Variants in AFAP1 observed in about 807,000 individuals in gnomAD.
AFAP1 encodes actin filament-associated protein 1.
AFAP1 carries 75 observed loss-of-function variants against 93.9 expected under a neutral mutation model. That is an observed-to-expected ratio of 0.80 (90% CI 0.66 to 0.97). AFAP1 has a LOEUF of 0.97. AFAP1 is among the 50% of genes least tolerant of loss of function. The pLI, the probability that AFAP1 is intolerant of heterozygous loss-of-function variation, is 0.00. For synonymous variants in AFAP1, 517 were observed against 430.7 expected (o/e 1.20, Z -2.48); for missense variants, 1,201 against 1,050.8 (o/e 1.14, Z -1.98).
chr4:7,922,638 G>C (rs994515758), intron 1 of AFAP1, among the ~76,000 whole-genome samples: 3 of 152,216 alleles, frequency 2.0e-5, no homozygotes, highest in African/African-American at 7.2e-5. Context: ...ATCATGCCCA[G>C]ATCATGAGCC....
At chr4:7,818,087 T>A (rs1387813017) in intron 7 of AFAP1, among the ~76,000 whole-genome samples, 4 of 152,174 alleles carry the variant, frequency 2.6e-5, no homozygotes, top group African/African-American at 9.7e-5. Flanking sequence ...AACATTTAAA[T>A]TAGGGAGCTG....
intron 2 of AFAP1, 99 bp from the exon 3 acceptor site, chr4:7,868,818 G>C: frequency 9.8e-7 from 1 of 1,024,116 alleles, no homozygotes; most frequent in Middle Eastern, 2.0e-4. Flanking sequence ...TGAACACTTT[G>C]CAAATATTTA....
intron 1 of AFAP1, among the ~76,000 whole-genome samples, chr4:7,911,883 A>C (rs924164062): frequency 6.6e-6 from 1 of 152,236 alleles, no homozygotes; most frequent in Non-Finnish European, 1.5e-5. Context: ...CTTTTAAGTT[A>C]GTTTGTTCAT....
intron 1 of AFAP1, among the ~76,000 whole-genome samples, chr4:7,918,323 G>C (rs920806452): frequency 2.8e-5 from 4 of 143,454 alleles, no homozygotes; most frequent in Non-Finnish European, 1.5e-5. Context: ...ACTCAGCCCA[G>C]GTCACCCGCA....
intron 3 of AFAP1, among the ~76,000 whole-genome samples, chr4:7,857,776 C>T (rs574954463): frequency 1.3e-5 from 2 of 152,274 alleles, no homozygotes; most frequent in East Asian, 3.9e-4. Context: ...TGGAAAAGCA[C>T]GACAAATAGC....
At position 7,761,879 on chromosome 4, in the gene AFAP1, G is replaced by C. The variant is rs866846543; in HGVS notation, c.*1886C>G. On this transcript the variant is annotated 3_prime_UTR_variant, in exon 18 of 18. Coordinates refer to ENST00000420658, the MANE Select transcript of AFAP1 (RefSeq NM_001134647.2). Reference sequence around the variant, plus strand: ...GCAATGCAGCGGACGGCCCTGAGGTGTGTGGCGTCCCCGCCCGACCTGCCT... The same window carrying C: ...GCAATGCAGCGGACGGCCCTGAGGTCTGTGGCGTCCCCGCCCGACCTGCCT... The C allele has an allele frequency of 6.6e-6, 1 of 152,340 alleles. No individual in the cohort carries two copies. Among genetic ancestry groups the C allele is most frequent in the Non-Finnish European group, 1.5e-5 (1 of 68,132 alleles). 9.4% of individuals were successfully genotyped at this position (152,340 alleles called of 1,614,324 possible).
chr4:7,796,762 A>C (rs553515768), intron 10 of AFAP1, among the ~76,000 whole-genome samples: 189 of 103,592 alleles, frequency 1.8e-3, no homozygotes, highest in African/African-American at 6.2e-3. Flanking sequence ...AAAAAAAAAA[A>C]CAAAAAAAAA....
chr4:7,868,100 A>AC (rs1491237916), intron 3 of AFAP1, among the ~76,000 whole-genome samples: 5 of 151,644 alleles, frequency 3.3e-5, no homozygotes, highest in African/African-American at 9.7e-5. Context: ...AAAAAAAAAA[A>AC]CAACAAATTT....
At chr4:7,894,847 T>C (rs1286558085) in intron 1 of AFAP1, among the ~76,000 whole-genome samples, 2 of 152,106 alleles carry the variant, frequency 1.3e-5, no homozygotes, top group Non-Finnish European at 2.9e-5. Context: ...GGCCTAGGAT[T>C]GAAGCTCCAA....
chr4:7,819,542 A>G (rs2149071441), intron 6 of AFAP1, among the ~76,000 whole-genome samples: 1 of 152,292 alleles, frequency 6.6e-6, no homozygotes, highest in South Asian at 2.1e-4. Context: ...GCTACTTTAG[A>G]TCAAGAGACC....
In AFAP1 at chr4:7,910,885, GGC is replaced by G. The variant is rs567595669; in HGVS notation, c.-3+28769_-3+28770del. Among the ~76,000 whole-genome samples the G allele has an allele frequency of 2.0e-3, 308 of 152,312 alleles. 2 individuals carry two copies. Among genetic ancestry groups the G allele is most frequent in the Middle Eastern group, 6.8e-3 (2 of 294 alleles). On this transcript the variant is annotated intron_variant, in intron 1 of 17. Transcript: ENST00000420658. The stretch of plus-strand genomic sequence containing the variant: ...CACTGCGGTGAGGGCGTGCTTGAGA[GGC>G]ACCCCACGACTGGGCCCTCCATGCC...
At chr4:7,831,934 A>C (rs1407390840) in intron 6 of AFAP1, among the ~76,000 whole-genome samples, 1 of 152,198 alleles carries the variant, frequency 6.6e-6, no homozygotes, top group African/African-American at 2.4e-5. Flanking sequence ...AGGGAACGGC[A>C]AACTGTCAGA....
intron 6 of AFAP1, among the ~76,000 whole-genome samples, chr4:7,837,223 C>G (rs1421777079): frequency 6.6e-6 from 1 of 152,214 alleles, no homozygotes; most frequent in Non-Finnish European, 1.5e-5. Flanking sequence ...ATTAGAGACT[C>G]TAGGACTGAA....
intron 1 of AFAP1, among the ~76,000 whole-genome samples, chr4:7,908,796 C>G (rs191139218): frequency 6.6e-6 from 1 of 152,318 alleles, no homozygotes; most frequent in Admixed American, 6.5e-5. Flanking sequence ...GCATAGTTAA[C>G]GAAGTCTGAG....
chr4:7,871,165 T>C (rs1348559701), intron 2 of AFAP1, among the ~76,000 whole-genome samples: 1 of 152,150 alleles, frequency 6.6e-6, no homozygotes, highest in Non-Finnish European at 1.5e-5. Context: ...TGCTTTTTAT[T>C]GTCCTGCTCA....
intron 1 of AFAP1, among the ~76,000 whole-genome samples, chr4:7,901,143 T>A (rs974896699): frequency 6.6e-6 from 1 of 152,208 alleles, no homozygotes; most frequent in Non-Finnish European, 1.5e-5. Context: ...AATATAATCA[T>A]GTAACTTTAA....
intron 4 of AFAP1, among the ~76,000 whole-genome samples, chr4:7,851,260 C>T (rs975492619): frequency 8.5e-5 from 13 of 152,162 alleles, no homozygotes; most frequent in African/African-American, 3.1e-4. Flanking sequence ...GCATGGCCCA[C>T]AGTCTCTCTG....
At chr4:7,887,328 T>G (rs927618954) in intron 1 of AFAP1, among the ~76,000 whole-genome samples, 1 of 152,226 alleles carries the variant, frequency 6.6e-6, no homozygotes, top group African/African-American at 2.4e-5. Context: ...TACCCAATAA[T>G]AAGCAAAGCA....
At position 7,786,238 on chromosome 4, in the gene AFAP1, C is replaced by T. The variant is rs769883895; in HGVS notation, c.1486G>A (p.Gly496Arg). ...GTSNGYAHPS[G>R]TALHYDDVPC... The stretch of plus-strand genomic sequence containing the variant: ...ACATCGTCATAATGAAGTGCCGTCC[C>T]GCTGGGGTGGGCATAGCCGTTGGAG... The change falls in exon 12 of 18, where the codon GGG becomes AGG. Residue 496 changes from glycine to arginine, a missense_variant. Coordinates refer to ENST00000420658, the MANE Select transcript of AFAP1 (RefSeq NM_001134647.2). 1.3e-4 allele frequency: 206 copies of T among 1,614,004 alleles called. No homozygotes were observed. The highest frequency in any genetic ancestry group is 1.1e-3 in the South Asian group (100 of 91,064).
Sources: allele counts gnomAD v4.1 joint callset (sites outside exome capture counted in the v4.1 genomes callset), GRCh38; gene constraint gnomAD v4.1.1; transcripts MANE v1.5; gene names NCBI Gene and HGNC (gene_info 2026-07-23, HGNC 2026-07-21).